Variants in ZNF248 observed in about 807,000 individuals in gnomAD.
ZNF248 encodes zinc finger protein 248.
Under a neutral mutation model 44.3 loss-of-function variants are expected in ZNF248, and 20 were observed. The observed-to-expected ratio is 0.45, with a 90% CI of 0.32 to 0.66. ZNF248 has a LOEUF of 0.66. Ranked by LOEUF, ZNF248 falls within the 30% of genes least tolerant of loss-of-function variation. The pLI, the probability that ZNF248 is intolerant of heterozygous loss-of-function variation, is 0.04. For synonymous variants in ZNF248, 224 were observed against 229.0 expected (o/e 0.98, Z 0.20); for missense variants, 654 against 677.0 (o/e 0.97, Z 0.38).
At chr10:37,856,156 T>A in intron 3 of ZNF248, 140 bp downstream of exon 3, 1 of 907,250 alleles carries the variant, frequency 1.1e-6, no homozygotes, top group Non-Finnish European at 1.7e-6. Flanking sequence ...CTGCACTATT[T>A]TGGATTTGCT....
chr10:37,820,751 C>T, intron 6 of ZNF248: 1 of 1,301,388 alleles, frequency 7.7e-7, no homozygotes, highest in East Asian at 2.3e-5. Flanking sequence ...GGAAGACTCA[C>T]TATTAAGTGG....
intron 3 of ZNF248, among the ~76,000 whole-genome samples, chr10:37,838,760 A>AG (rs1041026890): frequency 1.3e-5 from 2 of 152,186 alleles, no homozygotes; most frequent in African/African-American, 2.4e-5. Flanking sequence ...AGAAAAAAAA[A>AG]GCAAACTCAC....
chr10:37,843,145 T>G (rs956766074), intron 3 of ZNF248, among the ~76,000 whole-genome samples: 1 of 152,040 alleles, frequency 6.6e-6, no homozygotes, highest in Non-Finnish European at 1.5e-5. Flanking sequence ...GAAACCAGAC[T>G]ATAAAAATAG....
intron 6 of ZNF248, among the ~76,000 whole-genome samples, chr10:37,804,694 G>T (rs1329927763): frequency 6.6e-6 from 1 of 152,162 alleles, no homozygotes; most frequent in Non-Finnish European, 1.5e-5. Flanking sequence ...ACCCTGCCTA[G>T]GTCGCCCAAA....
the ZNF248 span, among the ~76,000 whole-genome samples, chr10:37,763,915 A>C: frequency 6.6e-5 from 10 of 152,194 alleles, no homozygotes; most frequent in Non-Finnish European, 1.5e-4. Flanking sequence ...TAATCCTGTC[A>C]TCTTCATAAG....
chr10:37,815,053 C>T (rs1322989906), intron 6 of ZNF248, among the ~76,000 whole-genome samples: 1 of 151,482 alleles, frequency 6.6e-6, no homozygotes, highest in Non-Finnish European at 1.5e-5. Flanking sequence ...GTCTCTTAGG[C>T]TTTCTTCATT....
intron 6 of ZNF248, among the ~76,000 whole-genome samples, chr10:37,804,528 G>A (rs12256181): frequency 0.027 from 4,183 of 152,138 alleles, 138 homozygotes; most frequent in African/African-American, 0.082. Flanking sequence ...CCGCCTCCCC[G>A]GCTCAAGTGA....
At chr10:37,776,603 A>G (rs1466476243) in intron 6 of ZNF248, 2 of 398,106 alleles carry the variant, frequency 5.0e-6, no homozygotes, top group East Asian at 7.1e-5. Flanking sequence ...TTTTACTCAG[A>G]AACTTCACTC....
At chr10:37,774,803 G>A (rs545367688), downstream of ZNF248, among the ~76,000 whole-genome samples, 7 of 151,958 alleles carry the variant, frequency 4.6e-5, no homozygotes, top group South Asian at 2.1e-4. Flanking sequence ...TTTTGAGACA[G>A]AGTCTCATTC....
chr10:37,800,565 T>C (rs2049684532), intron 6 of ZNF248, among the ~76,000 whole-genome samples: 1 of 152,200 alleles, frequency 6.6e-6, no homozygotes, highest in African/African-American at 2.4e-5. Context: ...TTGTGAATAG[T>C]GCTGCAATGA....
chr10:37,839,522 CACACAT>C (rs2057932881), intron 3 of ZNF248, among the ~76,000 whole-genome samples: 1 of 151,618 alleles, frequency 6.6e-6, no homozygotes, highest in Non-Finnish European at 1.5e-5. Context: ...CACACACACA[CACACAT>C]GCACACACAC....
At chr10:37,799,558 C>CA (rs1451249397) in intron 6 of ZNF248, among the ~76,000 whole-genome samples, 2 of 151,654 alleles carry the variant, frequency 1.3e-5, no homozygotes, top group Non-Finnish European at 2.9e-5. Flanking sequence ...ACTTTGTCTC[C>CA]AAAAAAAGAA....
chr10:37,784,398 T>G (rs1346187262), intron 6 of ZNF248, among the ~76,000 whole-genome samples: 1 of 152,224 alleles, frequency 6.6e-6, no homozygotes, highest in Non-Finnish European at 1.5e-5. Flanking sequence ...CGCTGTCTCC[T>G]GGACTTGTGG....
At chr10:37,769,201 G>T in the ZNF248 span, among the ~76,000 whole-genome samples, 6 of 152,246 alleles carry the variant, frequency 3.9e-5, no homozygotes, top group Admixed American at 6.5e-5. Context: ...GTACGAGGAG[G>T]ACCTGGTACC....
chr10:37,831,476 T>C lies in ZNF248; in HGVS notation c.*139A>G. 2.7e-6 allele frequency: 4 copies of C among 1,457,840 alleles called. No homozygotes were observed. In the South Asian group the frequency reaches 4.5e-5, roughly 16 times the overall value. The allele number at this position is 1,457,840 out of a possible 1,614,324, so 90.3% of individuals were successfully genotyped here. ...TCAGTACAAATTTTCTAATGAAAAGTTTTAATTTTTCTTGAAAGCTTTTAC... is the reference window on the plus strand; with the variant it reads ...TCAGTACAAATTTTCTAATGAAAAGCTTTAATTTTTCTTGAAAGCTTTTAC... On this transcript the variant is annotated 3_prime_UTR_variant, in exon 6 of 6. Transcript: ENST00000395867.
At chr10:37,828,462 C>A (rs182673645), downstream of ZNF248, among the ~76,000 whole-genome samples, 9 of 152,276 alleles carry the variant, frequency 5.9e-5, no homozygotes, top group African/African-American at 2.2e-4. Context: ...AATAAGGACA[C>A]AAACTCTCTG....
downstream of ZNF248, among the ~76,000 whole-genome samples, chr10:37,824,463 G>A (rs890637607): frequency 2.0e-5 from 3 of 152,070 alleles, no homozygotes; most frequent in African/African-American, 7.2e-5. Context: ...TCAAAGTAGA[G>A]AGAAATAGGT....
At chr10:37,854,270 T>C (rs1024982064) in intron 3 of ZNF248, among the ~76,000 whole-genome samples, 2 of 152,120 alleles carry the variant, frequency 1.3e-5, no homozygotes, top group African/African-American at 2.4e-5. Flanking sequence ...CAAATATTTC[T>C]GCATAGGGAA....
At chr10:37,836,770 G>A (rs1211982181) in intron 5 of ZNF248, among the ~76,000 whole-genome samples, 1 of 73,102 alleles carries the variant, frequency 1.4e-5, no homozygotes, top group African/African-American at 5.4e-5. Context: ...ACACAGACAT[G>A]TACACACACA....
Sources: gnomAD v4.1 joint callset for allele counts (sites outside exome capture counted in the v4.1 genomes callset) on GRCh38, gnomAD v4.1.1 for gene constraint, MANE v1.5 for transcripts, NCBI Gene and HGNC (gene_info 2026-07-23, HGNC 2026-07-21) for gene names.